UNC5D: variants seen among roughly 807,000 people sequenced by gnomAD.
UNC5D encodes netrin receptor UNC5D.
In UNC5D, 39 loss-of-function variants were observed where a neutral mutation model predicts 105.4. The observed-to-expected ratio is 0.37, with a 90% confidence interval of 0.29 to 0.48. The LOEUF (loss-of-function observed/expected upper bound fraction) is 0.48. Ranked by LOEUF, UNC5D falls within the 20% of genes least tolerant of loss-of-function variation. The probability of loss-of-function intolerance (pLI) is 0.98; values close to 1 mark genes in which losing one functional copy is unlikely to be tolerated. For missense variants in UNC5D, 991 were observed against 1,202.4 expected (o/e 0.82, Z 2.60); for synonymous variants, 452 against 450.4 (o/e 1.00, Z -0.04).
intron 2 of UNC5D, among the ~76,000 whole-genome samples, chr8:35,551,830 A>T (rs567945396): frequency 2.2e-4 from 34 of 152,200 alleles, no homozygotes; most frequent in African/African-American, 7.2e-4. Context: ...AAAAAAAGAA[A>T]AAAAGGAAAA....
chr8:35,236,602 CCT>C (rs1443434853), intron 1 of UNC5D, among the ~76,000 whole-genome samples: 1 of 152,206 alleles, frequency 6.6e-6, no homozygotes, highest in Non-Finnish European at 1.5e-5. Context: ...CGCAGGGAAA[CCT>C]CTGCTTCTTT....
At chr8:35,405,702 G>A (rs749553369) in intron 1 of UNC5D, among the ~76,000 whole-genome samples, 26 of 151,064 alleles carry the variant, frequency 1.7e-4, no homozygotes, top group East Asian at 7.8e-4. Flanking sequence ...TTTTTTTTAC[G>A]GGCTCTGAAA....
intron 4 of UNC5D, among the ~76,000 whole-genome samples, chr8:35,648,822 T>C (rs901094614): frequency 2.0e-5 from 3 of 152,174 alleles, no homozygotes; most frequent in Admixed American, 2.0e-4. Context: ...CAGTCACATG[T>C]TTGATCAATG....
chr8:35,438,842 G>T (rs1807204897), intron 1 of UNC5D, among the ~76,000 whole-genome samples: 1 of 151,952 alleles, frequency 6.6e-6, no homozygotes, highest in African/African-American at 2.4e-5. Flanking sequence ...ATTTATCAGA[G>T]GCCCATTTAG....
At chr8:35,348,268 T>C (rs1194616569) in intron 1 of UNC5D, among the ~76,000 whole-genome samples, 1 of 151,874 alleles carries the variant, frequency 6.6e-6, no homozygotes, top group Admixed American at 6.6e-5. Flanking sequence ...ATTTGCCTTT[T>C]CACTTAAATA....
In UNC5D at chr8:35,549,360, G is replaced by A. The variant is rs1469072601; in HGVS notation, c.172G>A (p.Glu58Lys). The change falls in exon 2 of 17, where the codon GAG becomes AAG. Residue 58 changes from glutamate (E) to lysine (K), a missense_variant. By Grantham distance (56) the Glu-to-Lys change is moderately conservative. Coordinates refer to ENST00000404895, the MANE Select transcript of UNC5D (RefSeq NM_080872.4). ...SAPGTLPHFI[E>K]EPDDAYIIKS... ...TCCTGGGACACTGCCTCATTTCATA[G>A]AGGAGCCAGATGATGCTTATATTAT... 2 of 1,613,596 alleles carry A rather than the reference G, an allele frequency of 1.2e-6. No homozygotes were observed. Among genetic ancestry groups the A allele is most frequent in the East Asian group, 4.5e-5 (2 of 44,874 alleles).
chr8:35,395,816 G>A lies in UNC5D; in HGVS notation c.104-153476G>A, dbSNP rs532914949. On this transcript the variant is annotated intron_variant, in intron 1 of 16. Transcript: ENST00000404895. ...AGATGTCAGCAGGTCTCAATCTCCC[G>A]TTCTCACAGTCCTCACATGTCTTGT... 1.9e-4 allele frequency among the ~76,000 whole-genome samples: 29 copies of A among 152,226 alleles called. No homozygotes were observed. The South Asian group carries it at 3.5e-3, about 19-fold the overall frequency.
chr8:35,521,476 G>C (rs1040101134), intron 1 of UNC5D, among the ~76,000 whole-genome samples: 9 of 152,176 alleles, frequency 5.9e-5, no homozygotes, highest in Admixed American at 2.0e-4. Flanking sequence ...AAGAGTGGTT[G>C]ATGTGTGACA....
At position 35,549,562 on chromosome 8, in the gene UNC5D, T is replaced by C. The variant is rs76864994; in HGVS notation, c.322+52T>C. 3,232 of 1,538,450 alleles carry C rather than the reference T, an allele frequency of 2.1e-3. 62 individuals are homozygous for C. The African/African-American group carries it at 0.039, about 18-fold the overall frequency. On this transcript the variant is annotated intron_variant, in intron 2 of 16. Coordinates refer to ENST00000404895, the MANE Select transcript of UNC5D (RefSeq NM_080872.4). ...GCTGTGGTGACTCTTTAGGTTCTCCTGTGGTTATATCTCTGGGAAAGACTG... is the reference window on the plus strand; with the variant it reads ...GCTGTGGTGACTCTTTAGGTTCTCCCGTGGTTATATCTCTGGGAAAGACTG...
intron 1 of UNC5D, among the ~76,000 whole-genome samples, chr8:35,356,596 C>T (rs1042635969): frequency 4.0e-5 from 6 of 151,550 alleles, no homozygotes; most frequent in African/African-American, 7.3e-5. Context: ...GTATTCTTAT[C>T]GTAGATCTTA....
intron 4 of UNC5D, among the ~76,000 whole-genome samples, chr8:35,664,257 C>T (rs1328360564): frequency 6.6e-6 from 1 of 152,132 alleles, no homozygotes. Flanking sequence ...TTCTACAGAT[C>T]CTGGGGTAAA....
intron 1 of UNC5D, among the ~76,000 whole-genome samples, chr8:35,513,645 G>C (rs964421610): frequency 6.6e-6 from 1 of 152,136 alleles, no homozygotes; most frequent in African/African-American, 2.4e-5. Flanking sequence ...ACATACCATA[G>C]ACTTGTTAAA....
At chr8:35,442,131 A>T (rs1214866105) in intron 1 of UNC5D, among the ~76,000 whole-genome samples, 1 of 151,864 alleles carries the variant, frequency 6.6e-6, no homozygotes, top group Non-Finnish European at 1.5e-5. Flanking sequence ...ACATTTGGCT[A>T]TTCAAGGTTA....
chr8:35,288,117 A>G (rs1227879082), intron 1 of UNC5D, among the ~76,000 whole-genome samples: 1 of 152,128 alleles, frequency 6.6e-6, no homozygotes, highest in Non-Finnish European at 1.5e-5. Flanking sequence ...AGAGGTTGCC[A>G]ATCAAATTGA....
In UNC5D at chr8:35,312,724, A is replaced by G. The variant is rs147444876; in HGVS notation, c.103+76837A>G. Among the ~76,000 whole-genome samples the G allele has an allele frequency of 3.5e-3, 526 of 152,308 alleles. 6 individuals are homozygous for G. The highest frequency in any genetic ancestry group is 0.012 in the African/African-American group (511 of 41,574). On this transcript the variant is annotated intron_variant, in intron 1 of 16. Coordinates refer to ENST00000404895, the MANE Select transcript of UNC5D (RefSeq NM_080872.4). Reference sequence around the variant, plus strand: ...TATAAGGGCCGTCAGATCATAGCACAGATGCACTGAAATCAAAGGAAGTGT... The same window carrying G: ...TATAAGGGCCGTCAGATCATAGCACGGATGCACTGAAATCAAAGGAAGTGT...
chr8:35,366,180 AT>A (rs569129748), intron 1 of UNC5D, among the ~76,000 whole-genome samples: 11 of 151,114 alleles, frequency 7.3e-5, no homozygotes, highest in African/African-American at 2.2e-4. Context: ...AACTAATTGC[AT>A]TTTTTTTTCT....
chr8:35,343,631 C>G (rs1036755211), intron 1 of UNC5D, among the ~76,000 whole-genome samples: 5 of 152,044 alleles, frequency 3.3e-5, no homozygotes, highest in African/African-American at 1.2e-4. Context: ...ACATTTGCTA[C>G]TTGAAGAAAT....
rs183835470 is a variant in UNC5D, at chr8:35,533,901, C to A, written c.104-15391C>A. ...AGTGAGGCAATGCCTCGCCATGCTT[C>A]GGCTTGCGCACGGTGCGCGCACCCA... is the stretch of plus-strand genomic sequence containing the variant. On this transcript the variant is annotated intron_variant, in intron 1 of 16. Coordinates refer to ENST00000404895, the MANE Select transcript of UNC5D (RefSeq NM_080872.4). Among the ~76,000 whole-genome samples, 603 of 152,320 alleles carry A rather than the reference C, an allele frequency of 4.0e-3. 5 individuals carry two copies. The highest frequency in any genetic ancestry group is 0.014 in the African/African-American group (568 of 41,564).
intron 4 of UNC5D, among the ~76,000 whole-genome samples, chr8:35,657,076 GTGTGTATATATATATATATATATATA>G (rs1306570863): frequency 1.1e-5 from 1 of 94,438 alleles, no homozygotes; most frequent in African/African-American, 5.2e-5. Flanking sequence ...GTGTGTGTGT[GTGTGTATATATATATATATATATATA>G]TATATATATA....
Sources: gnomAD v4.1 joint callset for allele counts (sites outside exome capture counted in the v4.1 genomes callset) on GRCh38, gnomAD v4.1.1 for gene constraint, MANE v1.5 for transcripts, NCBI Gene and HGNC (gene_info 2026-07-23, HGNC 2026-07-21) for gene names.